TREML4: variants seen among roughly 807,000 people sequenced by gnomAD.
TREML4 encodes the protein trem-like transcript 4 protein.
Under a neutral mutation model 25.4 loss-of-function variants are expected in TREML4, and 25 were observed. The ratio of observed to expected loss-of-function variants is 0.98; its 90% CI spans 0.72 to 1.37. The LOEUF is 1.37. Among genes scored for constraint, TREML4 ranks in the 40% most tolerant of loss-of-function variants. The pLI is 0.00. For missense variants in TREML4, 268 were observed against 236.5 expected (o/e 1.13, Z -0.87); for synonymous variants, 92 against 87.9 (o/e 1.05, Z -0.26).
chr6:41,232,901 G>A (rs1022485871), intron 4 of TREML4, among the ~76,000 whole-genome samples: 14 of 152,100 alleles, frequency 9.2e-5, no homozygotes, highest in African/African-American at 2.2e-4. Flanking sequence ...CTCCCCTCCC[G>A]CTGTGCAGCC....
In TREML4 at chr6:41,228,689, T is replaced by C. The variant is rs543208420; in HGVS notation, c.64-25T>C. 50 of 1,598,688 alleles carry C rather than the reference T, an allele frequency of 3.1e-5. No homozygotes were observed. In the Middle Eastern group the frequency reaches 5.0e-4, roughly 16 times the overall value. On this transcript the variant is annotated intron_variant, in intron 1 of 5. Coordinates refer to ENST00000341495, the MANE Select transcript of TREML4 (RefSeq NM_198153.3). The stretch of plus-strand genomic sequence containing the variant: ...TCCCTTCAGAGCTCTGACCTGGGTT[T>C]CTTTCTGCCGGTTCCTGGGTAAAGG...
At chr6:41,231,002 C>T (rs1046555865) in intron 4 of TREML4, 8 of 272,416 alleles carry the variant, frequency 2.9e-5, no homozygotes, top group Middle Eastern at 4.4e-4. Context: ...ACTGTGCATG[C>T]GAGGGTTCTA....
chr6:41,231,802 A>G (rs1230000838), intron 4 of TREML4, among the ~76,000 whole-genome samples: 1 of 152,210 alleles, frequency 6.6e-6, no homozygotes, highest in Non-Finnish European at 1.5e-5. Context: ...AGGTGTACTA[A>G]TGTATGAGTA....
Position 41,228,796 on chromosome 6 carries a change from A to G in TREML4, c.146A>G (p.Tyr49Cys), listed in dbSNP as rs771360614. 4 of 1,614,028 alleles carry G rather than the reference A, an allele frequency of 2.5e-6. No homozygotes were observed. The highest frequency in any genetic ancestry group is 2.7e-5 in the African/African-American group (2 of 74,912). ...QCQYSPKRGPYQPKSWCQQTS... is the reference protein window; with the variant it reads ...QCQYSPKRGPCQPKSWCQQTS... ...CAGTACTCACCCAAGAGAGGGCCCT[A>G]TCAGCCCAAATCCTGGTGTCAGCAG... The change falls in exon 2 of 6, where the codon TAT becomes TGT. Residue 49 changes from tyrosine (Y) to cysteine (C), a missense_variant. Tyr to Cys is a radical substitution (Grantham distance 194, BLOSUM62 -2). Transcript: ENST00000341495.
chr6:41,228,929 C>T lies in TREML4; in HGVS notation c.279C>T (p.Asn93=), dbSNP rs150015158. 7 of 1,614,156 alleles carry T rather than the reference C, an allele frequency of 4.3e-6. No individual in the cohort carries two copies. The highest frequency in any genetic ancestry group is 5.9e-6 in the Non-Finnish European group (7 of 1,179,992). Residue 93 remains asparagine (N), a synonymous_variant, in exon 2 of 6, where the codon AAC becomes AAT. Transcript: ENST00000341495. ...IWDKPNAGFF[N]ITMIQLTQND... ...ACAAGCCCAATGCTGGCTTCTTCAA[C>T]ATCACCATGATTCAGCTGACACAGA...
At position 41,236,547 on chromosome 6, in the gene TREML4, T is replaced by C. The variant is rs368437535; in HGVS notation, c.568T>C (p.Cys190Arg). 1.9e-6 allele frequency: 3 copies of C among 1,614,116 alleles called. No individual in the cohort carries two copies. Among genetic ancestry groups the C allele is most frequent in the African/African-American group, 1.3e-5 (1 of 75,050 alleles). ...CCCCAGATTCCTGGTCTTGGTGCTA[T>C]GTGGACTCCTCCTGGCCAAGGGCCT... is the stretch of plus-strand genomic sequence containing the variant. ...GGPRFLVLVL[C>R]GLLLAKGLML The change falls in exon 5 of 6, where the codon TGT becomes CGT. Residue 190 changes from cysteine to arginine, a missense_variant. Transcript: ENST00000341495.
At chr6:41,231,078 TG>T in intron 4 of TREML4, 2 of 440,464 alleles carry the variant, frequency 4.5e-6, no homozygotes, top group Non-Finnish European at 9.2e-6. Flanking sequence ...CACTCCCAGA[TG>T]GGACCACCCA....
chr6:41,228,917 T>C lies in TREML4; in HGVS notation c.267T>C (p.Ala89=). ...SHYTIWDKPN[A]GFFNITMIQL... is the part of the protein sequence containing the mutation. Reference sequence around the variant, plus strand: ...ACACAATCTGGGACAAGCCCAATGCTGGCTTCTTCAACATCACCATGATTC... The same window carrying C: ...ACACAATCTGGGACAAGCCCAATGCCGGCTTCTTCAACATCACCATGATTC... Residue 89 remains alanine (A), a synonymous_variant, in exon 2 of 6, where the codon GCT becomes GCC. Transcript: ENST00000341495. 1 of 1,614,196 alleles carries C rather than the reference T, an allele frequency of 6.2e-7. No homozygotes were observed. Among genetic ancestry groups the C allele is most frequent in the Non-Finnish European group, 8.5e-7 (1 of 1,180,030 alleles).
In TREML4 at chr6:41,236,502, G is replaced by T. The variant is rs150240684; in HGVS notation, c.523G>T (p.Ala175Ser). 19 of 1,613,998 alleles carry T rather than the reference G, an allele frequency of 1.2e-5. No individual in the cohort carries two copies. In the African/African-American group the frequency reaches 1.6e-4, roughly 14 times the overall value. ...GSETRKSRAP[A>S]CLGSGGPRFL... ...TCCCTGCAGGAAATCAAGAGCCCCT[G>T]CCTGCCTTGGCTCAGGTGGCCCCAG... Residue 175 changes from alanine (A) to serine (S), a missense_variant, in exon 5 of 6, where the codon GCC becomes TCC. Physicochemically the swap from Ala to Ser is moderately conservative, Grantham distance 99. Coordinates refer to ENST00000341495, the MANE Select transcript of TREML4 (RefSeq NM_198153.3).
At chr6:41,233,263 A>G (rs527587513) in intron 4 of TREML4, among the ~76,000 whole-genome samples, 1 of 152,366 alleles carries the variant, frequency 6.6e-6, no homozygotes. Context: ...AAATAAATGC[A>G]ATTCCAATAA....
intron 4 of TREML4, chr6:41,232,391 C>G: frequency 2.4e-6 from 1 of 420,172 alleles, no homozygotes; most frequent in South Asian, 1.7e-5. Flanking sequence ...AAATGAAGAA[C>G]AAGAGAAAAT....
intron 4 of TREML4, among the ~76,000 whole-genome samples, chr6:41,230,886 T>C (rs1369870952): frequency 6.6e-6 from 1 of 152,204 alleles, no homozygotes; most frequent in Non-Finnish European, 1.5e-5. Context: ...CTGAAGTTCA[T>C]TTGAATTACA....
chr6:41,230,117 G>A lies in TREML4; in HGVS notation c.501G>A (p.Glu167=). 2 of 1,610,254 alleles carry A rather than the reference G, an allele frequency of 1.2e-6. No homozygotes were observed. Among genetic ancestry groups the A allele is most frequent in the Non-Finnish European group, 1.7e-6 (2 of 1,176,472 alleles). Residue 167 remains glutamate (E), a synonymous_variant, in exon 4 of 6, where the codon GAG becomes GAA. Coordinates refer to ENST00000341495, the MANE Select transcript of TREML4 (RefSeq NM_198153.3). The part of the protein sequence containing the change: ...TSGHPSINGS[E]TRKSRAPACL... ...GCCATCCCTCCATCAATGGCTCTGA[G>A]ACCAGGTAGGTCAGAGGTTTTAACA...
intron 3 of TREML4, 37 bp from the exon 4 acceptor site, chr6:41,230,025 C>G: frequency 6.4e-7 from 1 of 1,552,452 alleles, no homozygotes; most frequent in Non-Finnish European, 8.9e-7. Flanking sequence ...TATTCTGGTG[C>G]CCTGGGCAGC....
At chr6:41,233,339 A>G (rs1766836757) in intron 4 of TREML4, among the ~76,000 whole-genome samples, 1 of 152,240 alleles carries the variant, frequency 6.6e-6, no homozygotes, top group South Asian at 2.1e-4. Context: ...GTGCAATGTT[A>G]TACTATCTAT....
At position 41,237,119 on chromosome 6, in the gene TREML4, A is replaced by C. The variant is rs1766920399; in HGVS notation, c.*100A>C. The C allele has an allele frequency of 6.5e-6, 1 of 153,296 alleles. No homozygotes were observed. The highest frequency in any genetic ancestry group is 1.5e-5 in the Non-Finnish European group (1 of 68,560). The allele number at this position is 153,296 out of a possible 1,614,324, so 9.5% of individuals were successfully genotyped here. On this transcript the variant is annotated 3_prime_UTR_variant, in exon 6 of 6. Coordinates refer to ENST00000341495, the MANE Select transcript of TREML4 (RefSeq NM_198153.3). ...TTGTCCCAGGACCCTTGGGTGCATG[A>C]GCCACAACATGGATCCTGGATGAAT...
chr6:41,228,956 T>C lies in TREML4; in HGVS notation c.306T>C (p.Asn102=). 6.2e-7 allele frequency: 1 copy of C among 1,613,838 alleles called. No homozygotes were observed. Among genetic ancestry groups the C allele is most frequent in the Non-Finnish European group, 8.5e-7 (1 of 1,179,772 alleles). ...FNITMIQLTQ[N]DSGFYWCGIY... is the part of the protein sequence containing the mutation. ...TCACCATGATTCAGCTGACACAGAA[T>C]GACTCGGGATTCTACTGGTGTGGAA... The change falls in exon 2 of 6, where the codon AAT becomes AAC. Residue 102 remains asparagine (N), a synonymous_variant. Coordinates refer to ENST00000341495, the MANE Select transcript of TREML4 (RefSeq NM_198153.3).
chr6:41,232,335 G>C (rs747556039), intron 4 of TREML4: 6 of 401,044 alleles, frequency 1.5e-5, no homozygotes, highest in South Asian at 1.1e-4. Flanking sequence ...TCTTGGGAAA[G>C]TTTGTTTTTA....
At chr6:41,229,399 A>C in intron 2 of TREML4, 122 bp from the exon 3 acceptor site, 2 of 1,020,366 alleles carry the variant, frequency 2.0e-6, no homozygotes, top group South Asian at 1.3e-5. Flanking sequence ...GGCACAGACC[A>C]CTCCTGGCTT....
Sources: allele counts gnomAD v4.1 joint callset (sites outside exome capture counted in the v4.1 genomes callset), GRCh38; gene constraint gnomAD v4.1.1; transcripts MANE v1.5; gene names NCBI Gene and HGNC (gene_info 2026-07-23, HGNC 2026-07-21).